The following TLE2 variants were observed in gnomAD, a reference collection of about 807,000 sequenced individuals.
TLE2 encodes TLE family member 2, transcriptional corepressor.
In TLE2, 74 loss-of-function variants were observed where a neutral mutation model predicts 97.2. The observed-to-expected ratio is 0.76, with a 90% CI of 0.63 to 0.92. The LOEUF (loss-of-function observed/expected upper bound fraction) is 0.92, where lower values mean the gene tolerates loss of function less well. TLE2 is among the 40% of genes least tolerant of loss of function. The pLI is 0.00. For missense variants in TLE2, 1,038 were observed against 1,008.7 expected, an observed-to-expected ratio of 1.03 and a Z score of -0.39; for synonymous variants, 499 against 432.1, an observed-to-expected ratio of 1.15 and a Z score of -1.92.
upstream of TLE2, among the ~76,000 whole-genome samples, chr19:3,031,291 G>A (rs2090022578): frequency 6.6e-6 from 1 of 151,826 alleles, no homozygotes; most frequent in South Asian, 2.1e-4. Flanking sequence ...GATGAGGTTG[G>A]GCAGCTCTGG....
intron 17 of TLE2, among the ~76,000 whole-genome samples, chr19:3,004,633 AGAG>A (rs1347874235): frequency 1.4e-5 from 2 of 147,792 alleles, no homozygotes; most frequent in African/African-American, 2.6e-5. Context: ...AAAAAAAAAA[AGAG>A]GAGCTTCGGA....
chr19:3,041,347 G>A (rs2090101991), intron 1 of TLE2, among the ~76,000 whole-genome samples: 1 of 151,966 alleles, frequency 6.6e-6, no homozygotes, highest in African/African-American at 2.4e-5. Context: ...ATTATCACTG[G>A]GCTACCTGGT....
chr19:3,009,090 AGAT>A, intron 13 of TLE2, 145 bp from the exon 14 acceptor site: 1 of 592,358 alleles, frequency 1.7e-6, no homozygotes, highest in Admixed American at 3.5e-5. Context: ...GTCACACTAC[AGAT>A]GAGAGGGCTG....
In TLE2 at chr19:3,019,496, G is replaced by C; in HGVS notation, c.370-33C>G. The C allele has an allele frequency of 1.3e-6, 2 of 1,487,508 alleles. No individual in the cohort carries two copies. Among genetic ancestry groups the C allele is most frequent in the Non-Finnish European group, 1.8e-6 (2 of 1,122,300 alleles). 92.1% of individuals were successfully genotyped at this position (1,487,508 alleles called of 1,614,324 possible). ...AAAGGAGGCAGGATGGGCCGGGGCG[G>C]GGGGCGGCAGGAGCCCAGCGGTCCC... On this transcript the variant is annotated intron_variant, in intron 6 of 19. Coordinates refer to ENST00000262953, the MANE Select transcript of TLE2 (RefSeq NM_003260.5). The surrounding 1 kb of genome is among the most constrained non-coding windows in gnomAD (Gnocchi z 5.1).
intron 1 of TLE2, among the ~76,000 whole-genome samples, chr19:3,040,996 T>TATATATATATATATATATAC (rs1568256459): frequency 7.2e-5 from 2 of 27,798 alleles, no homozygotes; most frequent in African/African-American, 4.6e-4. Flanking sequence ...GCCATTTATA[T>TATATATATATATATATATAC]ATATATATAT....
At chr19:3,027,785 C>T (rs757892049) in intron 4 of TLE2, 44 bp downstream of exon 4, 11 of 1,588,740 alleles carry the variant, frequency 6.9e-6, no homozygotes, top group Non-Finnish European at 8.6e-6. Flanking sequence ...GGCTTCCAGA[C>T]CCCCACCCTC....
rs933179604 is a variant in TLE2, at chr19:3,009,718, C to A, written c.1013-16G>T. The A allele has an allele frequency of 2.5e-6, 4 of 1,600,954 alleles. No individual in the cohort carries two copies. The South Asian group carries it at 4.5e-5, about 18-fold the overall frequency. Reference sequence around the variant, plus strand: ...CTCCTCAGGGCTGAGACGGAAGAGTCGGGGACAGGTTTTGACGCCCTGGAC... The same window carrying A: ...CTCCTCAGGGCTGAGACGGAAGAGTAGGGGACAGGTTTTGACGCCCTGGAC... On this transcript the variant is annotated splice_polypyrimidine_tract_variant and intron_variant, in intron 12 of 19. Coordinates refer to ENST00000262953, the MANE Select transcript of TLE2 (RefSeq NM_003260.5).
intron 2 of TLE2, 102 bp downstream of exon 2, chr19:3,028,604 C>G (rs60331094): frequency 1.2e-5 from 17 of 1,385,088 alleles, no homozygotes; most frequent in African/African-American, 4.3e-5. Context: ...TCGCGCCCCC[C>G]CTCCAACCGG....
chr19:3,014,670 C>G (rs1039146141), intron 9 of TLE2, 56 bp from the exon 10 acceptor site: 1 of 1,467,304 alleles, frequency 6.8e-7, no homozygotes, highest in African/African-American at 1.4e-5. Context: ...CTCCACACCC[C>G]CTATCCGCTC....
At chr19:3,020,024 T>A in intron 5 of TLE2, 1 of 534,268 alleles carries the variant, frequency 1.9e-6, no homozygotes. Flanking sequence ...GGCTCACGCC[T>A]GGAATCCCAG....
chr19:3,037,526 G>A (rs533608377), intron 1 of TLE2, among the ~76,000 whole-genome samples: 9 of 152,228 alleles, frequency 5.9e-5, no homozygotes, highest in African/African-American at 1.4e-4. Context: ...GTGAAGTGTC[G>A]GGGAGGTAGA....
At chr19:3,017,468 T>TTTTGG (rs2089736201) in intron 8 of TLE2, among the ~76,000 whole-genome samples, 1 of 149,858 alleles carries the variant, frequency 6.7e-6, no homozygotes, top group Non-Finnish European at 1.5e-5. Context: ...TTTTTTTTTT[T>TTTTGG]GAGACAGGGT....
At chr19:3,041,014 T>TATATATATATATATG (rs55998855) in intron 1 of TLE2, among the ~76,000 whole-genome samples, 1 of 20,168 alleles carries the variant, frequency 5.0e-5, no homozygotes, top group African/African-American at 2.1e-4. Context: ...TATATATATA[T>TATATATATATATATG]TTTTTTTTTT....
Position 3,019,796 on chromosome 19 carries a change from T to A in TLE2, c.295-23A>T, listed in dbSNP as rs1599230437. On this transcript the variant is annotated intron_variant, in intron 5 of 19. Coordinates refer to ENST00000262953, the MANE Select transcript of TLE2 (RefSeq NM_003260.5). This position sits in a 1 kb window ranked among gnomAD's most constrained non-coding sequence, Gnocchi z 5.1. The stretch of plus-strand genomic sequence containing the variant: ...ATGCTGGCGGGTGGAAGGGATCAGG[T>A]AGAGGGTACATTGAGCCCCTGCTCA... 1 of 1,606,150 alleles carries A rather than the reference T, an allele frequency of 6.2e-7. No homozygotes were observed. The highest frequency in any genetic ancestry group is 8.5e-7 in the Non-Finnish European group (1 of 1,176,956).
At chr19:3,046,045 A>C (rs1181029286), upstream of TLE2, among the ~76,000 whole-genome samples, 3 of 152,196 alleles carry the variant, frequency 2.0e-5, no homozygotes, top group Non-Finnish European at 4.4e-5. Context: ...TACTGTTGTT[A>C]TCTTTATGAT....
chr19:3,022,691 G>T (rs988045858), intron 5 of TLE2, among the ~76,000 whole-genome samples: 1 of 152,072 alleles, frequency 6.6e-6, no homozygotes, highest in African/African-American at 2.4e-5. Flanking sequence ...GTGTATACAC[G>T]CTCCTGAAGA....
chr19:3,029,136 C>A lies in TLE2; in HGVS notation c.-232G>T. 2 of 1,051,730 alleles carry A rather than the reference C, an allele frequency of 1.9e-6. No individual in the cohort carries two copies. Among genetic ancestry groups the A allele is most frequent in the Non-Finnish European group, 2.3e-6 (2 of 869,808 alleles). The allele number at this position is 1,051,730 out of a possible 1,614,324, so 65.1% of individuals were successfully genotyped here. ...GGGTGCGCGGGGCGAGCGGGGCGGGCAGGGGCAGCGGCCGGGGCGGGAGCG... is the reference window on the plus strand; with the variant it reads ...GGGTGCGCGGGGCGAGCGGGGCGGGAAGGGGCAGCGGCCGGGGCGGGAGCG... On this transcript the variant is annotated 5_prime_UTR_variant, in exon 1 of 20. Coordinates refer to ENST00000262953, the MANE Select transcript of TLE2 (RefSeq NM_003260.5).
At chr19:3,014,406 C>T (rs560664528) in intron 10 of TLE2, among the ~76,000 whole-genome samples, 164 bp downstream of exon 10, 60 of 152,160 alleles carry the variant, frequency 3.9e-4, no homozygotes, top group African/African-American at 1.3e-3. Flanking sequence ...GAGAGGAGGT[C>T]GGCCAGAGGT....
intron 1 of TLE2, among the ~76,000 whole-genome samples, chr19:3,041,529 T>C (rs1479970769): frequency 6.6e-6 from 1 of 152,094 alleles, no homozygotes; most frequent in Non-Finnish European, 1.5e-5. Flanking sequence ...TCGGCTCAAA[T>C]GTCACCTCCT....
Sources: gnomAD v4.1 joint callset for allele counts (sites outside exome capture counted in the v4.1 genomes callset) on GRCh38, gnomAD v4.1.1 for gene constraint, Gnocchi (gnomAD v3.1) non-coding constraint, MANE v1.5 for transcripts, NCBI Gene and HGNC (gene_info 2026-07-23, HGNC 2026-07-21) for gene names.